The following BMPR1B variants were observed in gnomAD, a reference collection of about 807,000 sequenced individuals.
BMPR1B encodes the protein bone morphogenetic protein receptor type-1B.
A neutral mutation model predicts 59.1 loss-of-function variants in BMPR1B; 12 were observed. That is an observed-to-expected ratio of 0.20 (90% CI 0.13 to 0.33). The LOEUF (loss-of-function observed/expected upper bound fraction) is 0.33. Ranked by LOEUF, BMPR1B falls within the 10% of genes least tolerant of loss-of-function variation. The pLI is 1.00. For synonymous variants in BMPR1B, 237 were observed against 207.3 expected (o/e 1.14, Z -1.23); for missense variants, 550 against 610.9 (o/e 0.90, Z 1.05).
Position 95,125,041 on chromosome 4 carries a change from T to C in BMPR1B, c.505T>C (p.Tyr169His). 1 of 1,613,520 alleles carries C rather than the reference T, an allele frequency of 6.2e-7. No homozygotes were observed. The highest frequency in any genetic ancestry group is 8.5e-7 in the Non-Finnish European group (1 of 1,179,506). ...CATTGGGTTAGAACAGGATGAAACT[T>C]ACATTCCTCCTGGAGAATCCCTGAG... is the stretch of plus-strand genomic sequence containing the variant. ...YSIGLEQDET[Y>H]IPPGESLRDL... The change falls in exon 8 of 13, where the codon TAC becomes CAC. Residue 169 changes from tyrosine to histidine, a missense_variant. Physicochemically the swap from Tyr to His is moderately conservative, Grantham distance 83. Transcript: ENST00000515059.
chr4:94,840,927 A>G (rs781154676), intron 1 of BMPR1B, among the ~76,000 whole-genome samples: 10 of 145,626 alleles, frequency 6.9e-5, no homozygotes, highest in Non-Finnish European at 9.2e-5. Context: ...ATGGTGATGT[A>G]CAGATGGGTT....
intron 2 of BMPR1B, among the ~76,000 whole-genome samples, chr4:94,988,533 A>C (rs1177670127): frequency 6.6e-6 from 1 of 152,196 alleles, no homozygotes; most frequent in Non-Finnish European, 1.5e-5. Flanking sequence ...ATGTCATATA[A>C]AAGTTTAAAA....
At chr4:94,920,660 G>A (rs1200433180) in intron 2 of BMPR1B, among the ~76,000 whole-genome samples, 1 of 152,178 alleles carries the variant, frequency 6.6e-6, no homozygotes, top group Non-Finnish European at 1.5e-5. Flanking sequence ...TAGCTGTAAT[G>A]TTGCTGCCAA....
At chr4:94,848,652 C>T (rs13127842) in intron 1 of BMPR1B, among the ~76,000 whole-genome samples, 1 of 151,838 alleles carries the variant, frequency 6.6e-6, no homozygotes, top group Non-Finnish European at 1.5e-5. Flanking sequence ...GTTTTGATCA[C>T]ATGGATAATA....
intron 2 of BMPR1B, among the ~76,000 whole-genome samples, chr4:94,886,366 A>G (rs187448985): frequency 1.3e-5 from 2 of 152,330 alleles, no homozygotes; most frequent in Admixed American, 6.5e-5. Flanking sequence ...GGAAGTTAAC[A>G]AATTTTCAGT....
intron 1 of BMPR1B, among the ~76,000 whole-genome samples, chr4:94,852,089 G>C (rs976474273): frequency 6.6e-6 from 1 of 152,114 alleles, no homozygotes; most frequent in African/African-American, 2.4e-5. Flanking sequence ...TCCCTTACCT[G>C]TTTGTATTCA....
At chr4:95,015,378 C>T (rs1169340907) in intron 3 of BMPR1B, among the ~76,000 whole-genome samples, 2 of 152,102 alleles carry the variant, frequency 1.3e-5, no homozygotes, top group Non-Finnish European at 2.9e-5. Context: ...GGAGTTGTTG[C>T]AGAACTAGTT....
chr4:94,923,216 T>A (rs1180246509), intron 2 of BMPR1B, among the ~76,000 whole-genome samples: 1 of 152,172 alleles, frequency 6.6e-6, no homozygotes, highest in African/African-American at 2.4e-5. Context: ...GTGAAGTTTT[T>A]AAAATGAAAA....
intron 3 of BMPR1B, among the ~76,000 whole-genome samples, chr4:95,030,769 G>A (rs578120723): frequency 1.7e-4 from 26 of 152,118 alleles, no homozygotes; most frequent in African/African-American, 5.1e-4. Context: ...TCCCATTCAC[G>A]ATTGCTTCAA....
At chr4:94,917,448 G>T (rs560588398) in intron 2 of BMPR1B, among the ~76,000 whole-genome samples, 1 of 152,336 alleles carries the variant, frequency 6.6e-6, no homozygotes, top group East Asian at 1.9e-4. Context: ...TCTTGCAGCA[G>T]TGTGCCCTGG....
intron 1 of BMPR1B, among the ~76,000 whole-genome samples, chr4:94,872,881 G>T (rs1237524352): frequency 6.6e-6 from 1 of 152,218 alleles, no homozygotes; most frequent in Non-Finnish European, 1.5e-5. Flanking sequence ...CACCTAAGAA[G>T]TTTTAGAGTG....
At chr4:95,020,863 A>G (rs1361497024) in intron 3 of BMPR1B, among the ~76,000 whole-genome samples, 1 of 152,076 alleles carries the variant, frequency 6.6e-6, no homozygotes, top group African/African-American at 2.4e-5. Flanking sequence ...GGCACATACC[A>G]TCATAACCAT....
At chr4:95,130,126 G>A in intron 9 of BMPR1B, 72 bp downstream of exon 9, 1 of 1,542,908 alleles carries the variant, frequency 6.5e-7, no homozygotes, top group South Asian at 1.1e-5. Context: ...ACATCTGCAT[G>A]TTAACTCATC....
rs1382099822 is a variant in BMPR1B at position 95,029,730 on chromosome 4, A to G, written c.-18+33596A>G. On this transcript the variant is annotated intron_variant, in intron 3 of 12. Transcript: ENST00000515059. ...GGTGGAACTAGTTTACAGTCCCACC[A>G]ACAGTGTAAAAGTGTTCCTATTTCT... Among the ~76,000 whole-genome samples, 12 of 152,282 alleles carry G rather than the reference A, an allele frequency of 7.9e-5. No homozygotes were observed. The East Asian group carries it at 1.4e-3, about 17-fold the overall frequency.
intron 1 of BMPR1B, among the ~76,000 whole-genome samples, chr4:94,833,302 G>A (rs961621120): frequency 1.3e-5 from 2 of 151,886 alleles, no homozygotes; most frequent in Admixed American, 6.6e-5. Flanking sequence ...CTGGCACATA[G>A]TAGATAATCA....
chr4:94,806,916 AT>A (rs1371712385), intron 1 of BMPR1B, among the ~76,000 whole-genome samples: 2 of 152,028 alleles, frequency 1.3e-5, no homozygotes, highest in African/African-American at 4.8e-5. Context: ...TTAGCAGTTG[AT>A]TTCTTTTTCT....
chr4:94,899,987 G>A (rs1025817594), intron 2 of BMPR1B, among the ~76,000 whole-genome samples: 1 of 152,032 alleles, frequency 6.6e-6, no homozygotes, highest in Non-Finnish European at 1.5e-5. Flanking sequence ...AAAATAGCAG[G>A]TTGTCACTTC....
chr4:94,860,994 A>G (rs1321967955), intron 1 of BMPR1B, among the ~76,000 whole-genome samples: 1 of 148,920 alleles, frequency 6.7e-6, no homozygotes, highest in Admixed American at 6.7e-5. Context: ...GTTGGCTTTT[A>G]TATGTCTTTC....
intron 10 of BMPR1B, among the ~76,000 whole-genome samples, chr4:95,134,825 T>A (rs542801637): frequency 1.4e-4 from 22 of 152,364 alleles, no homozygotes; most frequent in Non-Finnish European, 2.6e-4. Context: ...CTGTTCACTC[T>A]GATGGTAGTT....
Sources: gnomAD v4.1 joint callset for allele counts (sites outside exome capture counted in the v4.1 genomes callset) on GRCh38, gnomAD v4.1.1 for gene constraint, MANE v1.5 for transcripts, NCBI Gene and HGNC (gene_info 2026-07-23, HGNC 2026-07-21) for gene names.